Variants in CDH13 observed in about 807,000 individuals in gnomAD.
CDH13 encodes the protein cadherin-13.
CDH13 carries 24 observed loss-of-function variants against 63.8 expected under a neutral mutation model. The observed-to-expected ratio is 0.38, with a 90% CI of 0.27 to 0.53. The LOEUF (loss-of-function observed/expected upper bound fraction) is 0.53, where lower values mean the gene tolerates loss of function less well. CDH13 is among the 20% of genes least tolerant of loss of function. The pLI, the probability that CDH13 is intolerant of heterozygous loss-of-function variation, is 0.85. For synonymous variants in CDH13, 503 were observed against 355.3 expected (o/e 1.42, Z -4.67); for missense variants, 1,049 against 903.1 (o/e 1.16, Z -2.07).
At chr16:82,939,619 A>G (rs902111864) in intron 2 of CDH13, among the ~76,000 whole-genome samples, 1 of 151,624 alleles carries the variant, frequency 6.6e-6, no homozygotes, top group Non-Finnish European at 1.5e-5. Flanking sequence ...AAATGTAAAA[A>G]TTGAATGTTA....
At chr16:83,255,940 C>G (rs1050874582) in intron 5 of CDH13, among the ~76,000 whole-genome samples, 1 of 152,104 alleles carries the variant, frequency 6.6e-6, no homozygotes, top group African/African-American at 2.4e-5. Context: ...GAGTTGGCAG[C>G]TTGATTATGG....
intron 2 of CDH13, among the ~76,000 whole-genome samples, chr16:83,029,583 G>C (rs746944351): frequency 2.0e-5 from 3 of 152,158 alleles, no homozygotes; most frequent in Non-Finnish European, 4.4e-5. Flanking sequence ...GATGAATCTC[G>C]TGGCATGTAA....
intron 6 of CDH13, chr16:83,397,230 A>G (rs898530913): frequency 6.6e-6 from 1 of 152,082 alleles, no homozygotes; most frequent in South Asian, 2.1e-4. Flanking sequence ...TCTCACTTTG[A>G]TTATGAGGGG....
At chr16:83,665,349 G>C (rs891833056) in intron 8 of CDH13, among the ~76,000 whole-genome samples, 1 of 152,108 alleles carries the variant, frequency 6.6e-6, no homozygotes, top group Non-Finnish European at 1.5e-5. Context: ...CATTATCCTT[G>C]CTAACAAATA....
chr16:83,617,018 G>T (rs1464407733), intron 8 of CDH13, among the ~76,000 whole-genome samples: 4 of 152,008 alleles, frequency 2.6e-5, no homozygotes, highest in Non-Finnish European at 5.9e-5. Flanking sequence ...AATCCCCCAG[G>T]CACTTTGTTA....
Position 83,194,683 on chromosome 16 carries a change from A to G in CDH13, c.484-22662A>G, listed in dbSNP as rs183211503. Among the ~76,000 whole-genome samples, 737 of 152,372 alleles carry G rather than the reference A, an allele frequency of 4.8e-3. 4 individuals carry two copies. Among genetic ancestry groups the G allele is most frequent in the Middle Eastern group, 0.01 (3 of 294 alleles). ...TCTTTAGGATGAAAAGAGATTTTAAAAAACATTCTAGTAGCAAATAACTGT... is the reference window on the plus strand; with the variant it reads ...TCTTTAGGATGAAAAGAGATTTTAAGAAACATTCTAGTAGCAAATAACTGT... On this transcript the variant is annotated intron_variant, in intron 4 of 13. Transcript: ENST00000567109.
At chr16:83,481,653 T>G (rs2073768117) in intron 6 of CDH13, among the ~76,000 whole-genome samples, 1 of 152,146 alleles carries the variant, frequency 6.6e-6, no homozygotes, top group African/African-American at 2.4e-5. Flanking sequence ...CGGCCCAACT[T>G]GAGACTTTCA....
chr16:82,973,867 A>C (rs1468428322), intron 2 of CDH13, among the ~76,000 whole-genome samples: 1 of 152,110 alleles, frequency 6.6e-6, no homozygotes, highest in African/African-American at 2.4e-5. Context: ...GATGTAAATG[A>C]TCCTGTGTCA....
intron 5 of CDH13, among the ~76,000 whole-genome samples, chr16:83,293,949 A>G (rs1244880211): frequency 1.3e-5 from 2 of 152,190 alleles, no homozygotes; most frequent in African/African-American, 4.8e-5. Flanking sequence ...CTTTTCATAC[A>G]GGTATTATTG....
At chr16:82,702,619 T>A (rs1286656451) in intron 1 of CDH13, among the ~76,000 whole-genome samples, 3 of 152,224 alleles carry the variant, frequency 2.0e-5, no homozygotes, top group Admixed American at 6.5e-5. Flanking sequence ...CCATTTGGAT[T>A]ATTCTTTCCC....
rs13331344 is a variant in CDH13, at chr16:82,948,273, T to C, written c.158-83737T>C. Among the ~76,000 whole-genome samples the C allele has an allele frequency of 3.3e-3, 509 of 152,274 alleles. 1 individual carries two copies. Among genetic ancestry groups the C allele is most frequent in the African/African-American group, 0.012 (485 of 41,564 alleles). The stretch of plus-strand genomic sequence containing the variant: ...AAGGTTGACTCTAGGACCAAGACAA[T>C]AAAGCAGAAGTTCAGTTTAGGATTC... On this transcript the variant is annotated intron_variant, in intron 2 of 13. Coordinates refer to ENST00000567109, the MANE Select transcript of CDH13 (RefSeq NM_001257.5).
chr16:82,926,655 G>A (rs143224935), intron 2 of CDH13, among the ~76,000 whole-genome samples: 11 of 152,300 alleles, frequency 7.2e-5, no homozygotes, highest in African/African-American at 2.6e-4. Context: ...TGAAGCTTTC[G>A]AGAAGACAGA....
At chr16:83,746,286 C>G (rs904609429) in intron 10 of CDH13, among the ~76,000 whole-genome samples, 2 of 152,144 alleles carry the variant, frequency 1.3e-5, no homozygotes, top group Non-Finnish European at 2.9e-5. Flanking sequence ...CTGCAGCATT[C>G]CTTGGTTTGT....
chr16:83,264,524 A>G (rs767380318), intron 5 of CDH13, among the ~76,000 whole-genome samples: 4 of 145,826 alleles, frequency 2.7e-5, no homozygotes, highest in Non-Finnish European at 6.0e-5. Flanking sequence ...GTATATGTAT[A>G]TATGTATATG....
chr16:83,032,020 T>C lies in CDH13; in HGVS notation c.168T>C (p.Ser56=). ...TCGTTTGTTTCCCAGTGACCTTCAG[T>C]GACTGTAAGGGAAACGACAAGCTAC... The part of the protein sequence containing the change: ...EDQSILNLTF[S]DCKGNDKLRY... Residue 56 remains serine, a synonymous_variant, in exon 3 of 14, where the codon AGT becomes AGC. Transcript: ENST00000567109. The C allele has an allele frequency of 6.3e-7, 1 of 1,590,774 alleles. No homozygotes were observed. Among genetic ancestry groups the C allele is most frequent in the Non-Finnish European group, 8.6e-7 (1 of 1,168,212 alleles).
chr16:82,909,861 C>G (rs2041773339), intron 2 of CDH13, among the ~76,000 whole-genome samples: 1 of 152,188 alleles, frequency 6.6e-6, no homozygotes. Flanking sequence ...ACAGGCATTT[C>G]TTCCCAATTT....
At position 83,297,753 on chromosome 16, in the gene CDH13, A is replaced by G. The variant is rs1269788035; in HGVS notation, c.637-47109A>G. On this transcript the variant is annotated intron_variant, in intron 5 of 13. Transcript: ENST00000567109. ...CACATAGATGGTTAATATATATCCT[A>G]TGGATGAAGAAACATACAAATGACC... 3.3e-5 allele frequency among the ~76,000 whole-genome samples: 5 copies of G among 152,200 alleles called. No individual in the cohort carries two copies. In the South Asian group the frequency reaches 8.3e-4, roughly 25 times the overall value.
intron 2 of CDH13, among the ~76,000 whole-genome samples, chr16:82,971,281 C>A (rs565059586): frequency 4.6e-5 from 7 of 152,194 alleles, no homozygotes; most frequent in African/African-American, 1.4e-4. Context: ...TGGCTGCTTT[C>A]CCTGCCTTAT....
At chr16:83,784,940 T>A (rs957655858) in intron 13 of CDH13, among the ~76,000 whole-genome samples, 1 of 152,206 alleles carries the variant, frequency 6.6e-6, no homozygotes, top group African/African-American at 2.4e-5. Context: ...TAACTTTATC[T>A]TCTGCAAAGA....
Sources: allele counts gnomAD v4.1 joint callset (sites outside exome capture counted in the v4.1 genomes callset), GRCh38; gene constraint gnomAD v4.1.1; transcripts MANE v1.5; gene names NCBI Gene and HGNC (gene_info 2026-07-23, HGNC 2026-07-21).